Variants in CHLSN observed in about 807,000 individuals in gnomAD.
CHLSN encodes cholesin.
At chr7:1,062,309 A>C in the CHLSN span, among the ~76,000 whole-genome samples, 1 of 152,192 alleles carries the variant, frequency 6.6e-6, no homozygotes, top group African/African-American at 2.4e-5. Flanking sequence ...CATACACAGC[A>C]CACGACAGAG....
the CHLSN span, among the ~76,000 whole-genome samples, chr7:1,020,476 G>A: frequency 8.5e-5 from 13 of 152,138 alleles, no homozygotes; most frequent in East Asian, 1.9e-4. Context: ...AGGGCCCCTC[G>A]GCGCCCCCAC....
the CHLSN span, among the ~76,000 whole-genome samples, chr7:1,078,282 C>A: frequency 1.3e-5 from 2 of 151,938 alleles, no homozygotes; most frequent in African/African-American, 4.8e-5. Flanking sequence ...AGTGGGCACG[C>A]CTGGAGAGCG....
chr7:981,072 G>T, the CHLSN span, among the ~76,000 whole-genome samples: 29 of 151,586 alleles, frequency 1.9e-4, no homozygotes, highest in African/African-American at 7.0e-4. Context: ...AAGGCAGGTG[G>T]ATCACTTGAG....
the CHLSN span, among the ~76,000 whole-genome samples, chr7:1,003,028 CGGGTGGGGAGTCCTGT>C: frequency 1.4e-4 from 2 of 14,676 alleles, no homozygotes; most frequent in Non-Finnish European, 1.1e-4. Context: ...TGGAGTCCTG[CGGGTGGGGAGTCCTGT>C]GGGTGAGTGG....
At chr7:1,051,666 TGA>T in the CHLSN span, among the ~76,000 whole-genome samples, 1 of 152,176 alleles carries the variant, frequency 6.6e-6, no homozygotes, top group Middle Eastern at 3.2e-3. Flanking sequence ...GCCCTTTTTA[TGA>T]GAGTTATTTA....
the CHLSN span, among the ~76,000 whole-genome samples, chr7:1,038,212 T>C: frequency 3.5e-5 from 2 of 56,900 alleles, no homozygotes; most frequent in African/African-American, 1.3e-4. Context: ...AGGTGGGGGG[T>C]CAGCCCCCCC....
At chr7:999,330 C>A in the CHLSN span, among the ~76,000 whole-genome samples, 1 of 152,230 alleles carries the variant, frequency 6.6e-6, no homozygotes, top group East Asian at 1.9e-4. Context: ...CTGCGCCGGG[C>A]GTGAGGGTTT....
chr7:1,042,994 G>A, the CHLSN span, among the ~76,000 whole-genome samples: 2 of 151,816 alleles, frequency 1.3e-5, no homozygotes, highest in South Asian at 2.1e-4. Flanking sequence ...GCTCACACCT[G>A]TAATCCCAGC....
At chr7:1,009,016 T>TGCAC in the CHLSN span, among the ~76,000 whole-genome samples, 2 of 134,902 alleles carry the variant, frequency 1.5e-5, no homozygotes, top group Non-Finnish European at 3.1e-5. Context: ...CACACACACA[T>TGCAC]ACACATGCAC....
the CHLSN span, among the ~76,000 whole-genome samples, chr7:1,009,679 G>T: frequency 0.01 from 1,560 of 152,310 alleles, 11 homozygotes; most frequent in Non-Finnish European, 0.018. Context: ...TACACCTGGG[G>T]CAAGGTTCAC....
chr7:1,101,162 G>A, the CHLSN span, among the ~76,000 whole-genome samples: 3 of 152,266 alleles, frequency 2.0e-5, no homozygotes. Flanking sequence ...CTCTGCTCTC[G>A]CACACACCCA....
At chr7:1,112,155 T>C in the CHLSN span, among the ~76,000 whole-genome samples, 1 of 152,192 alleles carries the variant, frequency 6.6e-6, no homozygotes, top group African/African-American at 2.4e-5. Flanking sequence ...TAGATGGAAA[T>C]TCCACTGACA....
the CHLSN span, among the ~76,000 whole-genome samples, chr7:1,036,503 GGGTGCTCGT>G: frequency 6.6e-6 from 1 of 151,028 alleles, no homozygotes; most frequent in Non-Finnish European, 1.5e-5. Flanking sequence ...TGTGGGGTTC[GGGTGCTCGT>G]GGTGTGGCCG....
the CHLSN span, chr7:983,070 G>C: frequency 1.4e-5 from 10 of 693,854 alleles, no homozygotes; most frequent in South Asian, 3.3e-4. Flanking sequence ...CATCCGCTGG[G>C]GGCTGCCCTG....
the CHLSN span, chr7:986,582 G>C: frequency 1.2e-6 from 2 of 1,603,916 alleles, no homozygotes; most frequent in Admixed American, 1.7e-5. Context: ...GTGCAGCCCT[G>C]GGGCTGCGTC....
At chr7:1,035,845 C>T in the CHLSN span, among the ~76,000 whole-genome samples, 5 of 152,190 alleles carry the variant, frequency 3.3e-5, no homozygotes, top group African/African-American at 7.2e-5. Context: ...ACAGATATTT[C>T]GAGCAGTTTT....
At chr7:1,063,726 A>G in the CHLSN span, among the ~76,000 whole-genome samples, 6 of 152,182 alleles carry the variant, frequency 3.9e-5, no homozygotes, top group African/African-American at 1.4e-4. Flanking sequence ...TTCCCATCTT[A>G]ATGACGTCTT....
the CHLSN span, among the ~76,000 whole-genome samples, chr7:1,102,890 T>C: frequency 1.3e-5 from 2 of 152,068 alleles, no homozygotes; most frequent in African/African-American, 4.8e-5. Context: ...TGCAGGAAAA[T>C]AGAGTCTGGA....
At chr7:984,589 G>C in the CHLSN span, 1 of 1,554,690 alleles carries the variant, frequency 6.4e-7, no homozygotes, top group Non-Finnish European at 8.7e-7. Context: ...GTGTGTGGCC[G>C]GCGCTACGGG....
Sources: allele counts gnomAD v4.1 joint callset (sites outside exome capture counted in the v4.1 genomes callset), GRCh38; gene constraint gnomAD v4.1.1; transcripts MANE v1.5; gene names NCBI Gene and HGNC (gene_info 2026-07-23, HGNC 2026-07-21).